Variants in ARSJ observed in about 807,000 individuals in gnomAD.
ARSJ encodes arylsulfatase J.
A neutral mutation model predicts 35.9 loss-of-function variants in ARSJ; 26 were observed. The ratio of observed to expected loss-of-function variants is 0.72; its 90% CI spans 0.53 to 1.00. The LOEUF (loss-of-function observed/expected upper bound fraction) is 1.00, where lower values mean the gene tolerates loss of function less well. Ranked by LOEUF, ARSJ falls within the 50% of genes least tolerant of loss-of-function variation. The pLI is 0.00. For synonymous variants in ARSJ, 294 were observed against 267.6 expected (o/e 1.10, Z -0.96); for missense variants, 667 against 723.6 (o/e 0.92, Z 0.90).
chr4:113,925,547 A>T (rs1562346867), intron 1 of ARSJ, among the ~76,000 whole-genome samples: 1 of 152,150 alleles, frequency 6.6e-6, no homozygotes, highest in East Asian at 1.9e-4. Context: ...CCACTCCACC[A>T]TTCTATCAAT....
Position 113,979,143 on chromosome 4 carries a change from T to G in ARSJ, c.-309A>C. 4.2e-6 allele frequency: 1 copy of G among 235,978 alleles called. No individual in the cohort carries two copies. The highest frequency in any genetic ancestry group is 8.2e-6 in the Non-Finnish European group (1 of 121,436). 14.6% of individuals were successfully genotyped at this position (235,978 alleles called of 1,614,324 possible). ...AAAAGTTAATATCTCCACCCAAAAGTTCTCTGGAGAAAAAAACCAAGCAAG... is the reference window on the plus strand; with the variant it reads ...AAAAGTTAATATCTCCACCCAAAAGGTCTCTGGAGAAAAAAACCAAGCAAG... On this transcript the variant is annotated 5_prime_UTR_variant, in exon 1 of 2. Transcript: ENST00000315366.
chr4:113,965,636 G>A (rs1403900439), intron 1 of ARSJ, among the ~76,000 whole-genome samples: 1 of 152,060 alleles, frequency 6.6e-6, no homozygotes, highest in Non-Finnish European at 1.5e-5. Context: ...ATATATATTA[G>A]AGGGTAATGT....
At chr4:113,965,339 T>C (rs1034834216) in intron 1 of ARSJ, among the ~76,000 whole-genome samples, 2 of 152,112 alleles carry the variant, frequency 1.3e-5, no homozygotes, top group Admixed American at 6.6e-5. Flanking sequence ...ATATTTATTG[T>C]TTTCTACTCT....
chr4:113,928,961 A>C (rs755822511), intron 1 of ARSJ, among the ~76,000 whole-genome samples: 1 of 152,130 alleles, frequency 6.6e-6, no homozygotes, highest in African/African-American at 2.4e-5. Context: ...GCTTGCTCAC[A>C]GTGGGCCATC....
intron 1 of ARSJ, among the ~76,000 whole-genome samples, chr4:113,945,199 A>G (rs1725398228): frequency 6.6e-6 from 1 of 152,116 alleles, no homozygotes; most frequent in African/African-American, 2.4e-5. Flanking sequence ...CTGGAGTGCA[A>G]TGGTGAAATC....
chr4:113,940,337 C>G (rs1725068093), intron 1 of ARSJ, among the ~76,000 whole-genome samples: 1 of 152,006 alleles, frequency 6.6e-6, no homozygotes, highest in Non-Finnish European at 1.5e-5. Flanking sequence ...ATGTCCTTTG[C>G]AGGGACATGG....
Position 113,928,290 on chromosome 4 carries a change from T to C in ARSJ, c.399-24615A>G, listed in dbSNP as rs116014188. 1.3e-3 allele frequency among the ~76,000 whole-genome samples: 191 copies of C among 152,254 alleles called. 1 individual carries two copies. Among genetic ancestry groups the C allele is most frequent in the African/African-American group, 4.3e-3 (180 of 41,552 alleles). On this transcript the variant is annotated intron_variant, in intron 1 of 1. Coordinates refer to ENST00000315366, the MANE Select transcript of ARSJ (RefSeq NM_024590.4). ...TTCTTGGGGAAGGATGGGAGAAAGA[T>C]TCATTGCATAAAATGTCGGTAATAT...
At chr4:113,905,158 C>A (rs1280431678) in intron 1 of ARSJ, among the ~76,000 whole-genome samples, 4 of 151,968 alleles carry the variant, frequency 2.6e-5, no homozygotes, top group African/African-American at 9.7e-5. Context: ...TAGTTTCTGA[C>A]ATTTAAAAAT....
chr4:113,923,854 A>G, intron 1 of ARSJ, among the ~76,000 whole-genome samples: 1 of 151,388 alleles, frequency 6.6e-6, no homozygotes, highest in African/African-American at 2.4e-5. Context: ...ATTTCCATAA[A>G]AATAAAATTC....
At chr4:113,955,436 G>T (rs1726116973) in intron 1 of ARSJ, among the ~76,000 whole-genome samples, 1 of 149,716 alleles carries the variant, frequency 6.7e-6, no homozygotes, top group Non-Finnish European at 1.5e-5. Context: ...AGGATATTTA[G>T]GAAAAAAAAA....
chr4:113,942,368 A>G (rs1725210732), intron 1 of ARSJ, among the ~76,000 whole-genome samples: 1 of 152,072 alleles, frequency 6.6e-6, no homozygotes, highest in Non-Finnish European at 1.5e-5. Flanking sequence ...TTAACCTACA[A>G]AGTACCTAAA....
In ARSJ at chr4:113,929,176, A is replaced by G. The variant is rs373231482; in HGVS notation, c.399-25501T>C. The stretch of plus-strand genomic sequence containing the variant: ...GTTCTCCAGATTGCTGTTTATATAA[A>G]TTAAAGAACTCAAAAAGTTCTTTTT... On this transcript the variant is annotated intron_variant, in intron 1 of 1. Coordinates refer to ENST00000315366, the MANE Select transcript of ARSJ (RefSeq NM_024590.4). Among the ~76,000 whole-genome samples, 45 of 152,182 alleles carry G rather than the reference A, an allele frequency of 3.0e-4. No individual in the cohort carries two copies. In the East Asian group the frequency reaches 3.9e-3, roughly 13 times the overall value.
At chr4:113,963,030 G>T (rs935324663) in intron 1 of ARSJ, among the ~76,000 whole-genome samples, 1 of 151,928 alleles carries the variant, frequency 6.6e-6, no homozygotes, top group East Asian at 1.9e-4. Flanking sequence ...TACATACAAC[G>T]ATCCCTTCCT....
At chr4:113,938,837 T>C (rs763137572) in intron 1 of ARSJ, among the ~76,000 whole-genome samples, 28 of 151,956 alleles carry the variant, frequency 1.8e-4, no homozygotes, top group Admixed American at 2.0e-4. Context: ...TCACTGATCA[T>C]TAGAGAAATG....
chr4:113,949,721 C>T (rs1725735112), intron 1 of ARSJ, among the ~76,000 whole-genome samples: 1 of 152,046 alleles, frequency 6.6e-6, no homozygotes, highest in South Asian at 2.1e-4. Flanking sequence ...CTATTTGCTC[C>T]TCATTGCCCC....
At chr4:113,934,334 C>T (rs949513756) in intron 1 of ARSJ, among the ~76,000 whole-genome samples, 2 of 151,728 alleles carry the variant, frequency 1.3e-5, no homozygotes, top group Non-Finnish European at 2.9e-5. Flanking sequence ...AATATGAAAT[C>T]ACCCTAAGTG....
chr4:113,969,416 CA>C (rs1180361041), intron 1 of ARSJ, among the ~76,000 whole-genome samples: 9 of 152,158 alleles, frequency 5.9e-5, no homozygotes, highest in Admixed American at 2.6e-4. Flanking sequence ...ACTATACTTA[CA>C]GAAAGCTTTA....
At chr4:113,905,176 A>T (rs905305477) in intron 1 of ARSJ, among the ~76,000 whole-genome samples, 2 of 152,310 alleles carry the variant, frequency 1.3e-5, no homozygotes, top group African/African-American at 4.8e-5. Flanking sequence ...AATTGATTCT[A>T]TAGTTATAAG....
At chr4:113,942,137 A>C (rs1365798714) in intron 1 of ARSJ, among the ~76,000 whole-genome samples, 1 of 152,010 alleles carries the variant, frequency 6.6e-6, no homozygotes, top group African/African-American at 2.4e-5. Flanking sequence ...CTGGAATGTA[A>C]AGAATAAGTA....
Sources: allele counts gnomAD v4.1 joint callset (sites outside exome capture counted in the v4.1 genomes callset), GRCh38; gene constraint gnomAD v4.1.1; transcripts MANE v1.5; gene names NCBI Gene and HGNC (gene_info 2026-07-23, HGNC 2026-07-21).